ASXL2: variants seen among roughly 807,000 people sequenced by gnomAD.
ASXL2 encodes putative Polycomb group protein ASXL2.
ASXL2 carries 23 observed loss-of-function variants against 122.0 expected under a neutral mutation model. That is an observed-to-expected ratio of 0.19 (90% CI 0.14 to 0.27). The LOEUF is 0.27. ASXL2 is among the 10% of genes least tolerant of loss of function. The pLI is 1.00. For synonymous variants in ASXL2, 650 were observed against 637.0 expected, an observed-to-expected ratio of 1.02 and a Z score of -0.31; for missense variants, 1,518 against 1,713.8, an observed-to-expected ratio of 0.89 and a Z score of 2.02.
Position 25,834,233 on chromosome 2 carries a change from A to T in ASXL2, c.143+1305T>A, listed in dbSNP as rs552590532. Among the ~76,000 whole-genome samples, 4 of 152,050 alleles carry T rather than the reference A, an allele frequency of 2.6e-5. No homozygotes were observed. The South Asian group carries it at 8.3e-4, about 32-fold the overall frequency. ...CCGGGGTTGGTGGCAGGCACCTGTA[A>T]TCCCAGCTACAAGGGAGGCTGAAAC... On this transcript the variant is annotated intron_variant, in intron 3 of 12. Transcript: ENST00000435504.
chr2:25,850,978 A>T (rs1345436578), intron 1 of ASXL2, among the ~76,000 whole-genome samples: 1 of 152,050 alleles, frequency 6.6e-6, no homozygotes, highest in African/African-American at 2.4e-5. Flanking sequence ...ATCTCTACTA[A>T]AACTACAAAA....
intron 3 of ASXL2, among the ~76,000 whole-genome samples, chr2:25,815,729 T>G (rs767557199): frequency 2.0e-5 from 3 of 152,236 alleles, no homozygotes; most frequent in Admixed American, 6.5e-5. Context: ...GCTGAGATAC[T>G]GATGAAACTG....
At chr2:25,765,302 A>G (rs762017664) in intron 8 of ASXL2, among the ~76,000 whole-genome samples, 27 of 151,924 alleles carry the variant, frequency 1.8e-4, no homozygotes, top group East Asian at 3.9e-4. Context: ...TGGCTAACAC[A>G]GTGAAACCCC....
intron 3 of ASXL2, among the ~76,000 whole-genome samples, chr2:25,825,964 T>C (rs1213799818): frequency 6.6e-6 from 1 of 150,976 alleles, no homozygotes; most frequent in African/African-American, 2.5e-5. Context: ...CTAGACCATT[T>C]ACCTACAGGT....
intron 5 of ASXL2, among the ~76,000 whole-genome samples, chr2:25,787,547 T>C (rs183342596): frequency 4.6e-5 from 7 of 152,302 alleles, no homozygotes; most frequent in Admixed American, 4.6e-4. Context: ...TACTTACAAA[T>C]CAGGTAAAAT....
rs950715180 is a variant in ASXL2, at chr2:25,744,341, G to T, written c.1996C>A (p.Leu666Met). The change falls in exon 13 of 13, where the codon CTG becomes ATG. Residue 666 changes from leucine to methionine, a missense_variant. Leu to Met is a conservative substitution (Grantham distance 15). Transcript: ENST00000435504. This position sits in a 1 kb window ranked among gnomAD's most constrained non-coding sequence, Gnocchi z 4.7. ...TLADIKAKAQ[L>M]VKAQRAAAAA... ...GCTGCTGCCCTCTGTGCTTTGACCA[G>T]TTGGGCTTTTGCTTTGATGTCTGCA... is the stretch of plus-strand genomic sequence containing the variant. 2 of 1,613,884 alleles carry T rather than the reference G, an allele frequency of 1.2e-6. No individual in the cohort carries two copies. The highest frequency in any genetic ancestry group is 1.7e-6 in the Non-Finnish European group (2 of 1,179,904).
In ASXL2 at chr2:25,736,198, A is replaced by G. The variant is rs1176141876; in HGVS notation, c.*5831T>C. ...TGAACACGGGTTTCTGACTCAGTGA[A>G]GTAAATAAAGGGTAGCTGGGGATCC... On this transcript the variant is annotated 3_prime_UTR_variant, in exon 13 of 13. Transcript: ENST00000435504. The G allele has an allele frequency of 2.0e-5, 3 of 152,200 alleles. No homozygotes were observed. Among genetic ancestry groups the G allele is most frequent in the Non-Finnish European group, 4.4e-5 (3 of 68,026 alleles). The allele number at this position is 152,200 out of a possible 1,614,324, so 9.4% of individuals were successfully genotyped here. A position where few individuals can be genotyped will look rare whatever the true frequency, so the allele number is the denominator to read the frequency against.
At position 25,741,930 on chromosome 2, in the gene ASXL2, C is replaced by A; in HGVS notation, c.*99G>T. On this transcript the variant is annotated 3_prime_UTR_variant, in exon 13 of 13. Coordinates refer to ENST00000435504, the MANE Select transcript of ASXL2 (RefSeq NM_018263.6). ...CATTTGTCTCTGAAGACAACTGAAA[C>A]CTACTTGTTTATTTCTGTGATTCCA... 5 of 1,187,104 alleles carry A rather than the reference C, an allele frequency of 4.2e-6. No homozygotes were observed. The highest frequency in any genetic ancestry group is 3.6e-6 in the Non-Finnish European group (3 of 839,998). 73.5% of individuals were successfully genotyped at this position (1,187,104 alleles called of 1,614,324 possible). A position where few individuals can be genotyped will look rare whatever the true frequency, so the allele number is the denominator to read the frequency against.
intron 1 of ASXL2, among the ~76,000 whole-genome samples, chr2:25,872,925 G>A (rs2089973777): frequency 6.6e-6 from 1 of 152,026 alleles, no homozygotes; most frequent in Non-Finnish European, 1.5e-5. Flanking sequence ...CTCTTGGGAG[G>A]TTGTAAGTTC....
intron 8 of ASXL2, among the ~76,000 whole-genome samples, chr2:25,760,654 G>A (rs1472514779): frequency 6.6e-6 from 1 of 152,152 alleles, no homozygotes; most frequent in Non-Finnish European, 1.5e-5. Context: ...CTGCCTCCTG[G>A]CGGAAGCATA....
At chr2:25,761,421 T>C (rs1179491413) in intron 8 of ASXL2, among the ~76,000 whole-genome samples, 1 of 152,036 alleles carries the variant, frequency 6.6e-6, no homozygotes, top group Non-Finnish European at 1.5e-5. Flanking sequence ...ATGCCTGTAA[T>C]CGCAGCACTC....
chr2:25,792,458 A>C (rs1435320261), intron 5 of ASXL2, among the ~76,000 whole-genome samples: 5 of 152,254 alleles, frequency 3.3e-5, no homozygotes. Flanking sequence ...AATTAGAAAC[A>C]AAAATGCTTG....
chr2:25,744,295 G>A lies in ASXL2; in HGVS notation c.2042C>T (p.Ala681Val), dbSNP rs2087902353. The stretch of plus-strand genomic sequence containing the variant: ...GGTCCCTCCAACTGAGGCGGCTGCA[G>A]CAGCTGCGGCGGCAGCGGCAGCTGC... ...RAAAAAAAAA[A>V]AAASVGGTIP... The change falls in exon 13 of 13, where the codon GCT (alanine) becomes GTT (valine). Residue 681 changes from alanine to valine, a missense_variant. By Grantham distance (64) the Ala-to-Val change is moderately conservative. Around this residue, in one of 8 missense-constraint regions of ASXL2, gnomAD observed 48 missense variants for 82.1 expected, o/e 0.58. Transcript: ENST00000435504. This position sits in a 1 kb window ranked among gnomAD's most constrained non-coding sequence, Gnocchi z 4.7. 1 of 1,610,600 alleles carries A rather than the reference G, an allele frequency of 6.2e-7. No homozygotes were observed. Among genetic ancestry groups the A allele is most frequent in the South Asian group, 1.1e-5 (1 of 90,836 alleles).
intron 1 of ASXL2, among the ~76,000 whole-genome samples, chr2:25,876,086 A>T (rs2090007417): frequency 6.6e-6 from 1 of 152,136 alleles, no homozygotes; most frequent in Non-Finnish European, 1.5e-5. Flanking sequence ...TGGCTACTAG[A>T]AAAACTTTAG....
intron 3 of ASXL2, among the ~76,000 whole-genome samples, chr2:25,807,309 T>C (rs1320018833): frequency 6.6e-6 from 1 of 152,198 alleles, no homozygotes; most frequent in Non-Finnish European, 1.5e-5. Context: ...GGATTCTTAG[T>C]CTATCTAAGG....
At chr2:25,749,630 G>T in intron 12 of ASXL2, 66 bp downstream of exon 12, 1 of 1,281,852 alleles carries the variant, frequency 7.8e-7, no homozygotes, top group Non-Finnish European at 1.0e-6. Flanking sequence ...TTGAAATTTA[G>T]TAGGTATGAC....
At chr2:25,759,171 T>A (rs2088192522) in intron 9 of ASXL2, among the ~76,000 whole-genome samples, 1 of 152,206 alleles carries the variant, frequency 6.6e-6, no homozygotes. Context: ...GCCAGGCTGG[T>A]CTTGAACTCC....
At chr2:25,852,618 T>C (rs1021969552) in intron 1 of ASXL2, among the ~76,000 whole-genome samples, 5 of 152,194 alleles carry the variant, frequency 3.3e-5, no homozygotes, top group African/African-American at 9.6e-5. Flanking sequence ...TCAGCCAATA[T>C]AGAGTGAGAA....
rs1353795441 is a variant in ASXL2 at position 25,739,591 on chromosome 2, T to A, written c.*2438A>T. The A allele has an allele frequency of 5.1e-6, 1 of 194,484 alleles. No individual in the cohort carries two copies. Among genetic ancestry groups the A allele is most frequent in the African/African-American group, 2.3e-5 (1 of 43,182 alleles). 12.0% of individuals were successfully genotyped at this position (194,484 alleles called of 1,614,324 possible). A position where few individuals can be genotyped will look rare whatever the true frequency, so the allele number is the denominator to read the frequency against. On this transcript the variant is annotated 3_prime_UTR_variant, in exon 13 of 13. Transcript: ENST00000435504. ...AATGCAAATATTTAGCTGAGTATTA[T>A]TTGTTAAGATAATCTAGTGAACAGC...
Sources: gnomAD v4.1 joint callset for allele counts (sites outside exome capture counted in the v4.1 genomes callset) on GRCh38, gnomAD v4.1.1 for gene constraint, gnomAD v4.1.1 regional missense constraint, Gnocchi (gnomAD v3.1) non-coding constraint, MANE v1.5 for transcripts, NCBI Gene and HGNC (gene_info 2026-07-23, HGNC 2026-07-21) for gene names.